The following ZSWIM6 variants were observed in gnomAD, a reference collection of about 807,000 sequenced individuals.
The protein encoded by ZSWIM6 is zinc finger SWIM domain-containing protein 6.
A neutral mutation model predicts 113.2 loss-of-function variants in ZSWIM6; 9 were observed. The ratio of observed to expected loss-of-function variants is 0.08; its 90% CI spans 0.05 to 0.14. ZSWIM6 has a LOEUF of 0.14. Among genes scored for constraint, ZSWIM6 ranks in the 10% least tolerant of loss-of-function variants. The pLI is 1.00. For synonymous variants in ZSWIM6, 611 were observed against 606.5 expected, an observed-to-expected ratio of 1.01 and a Z score of -0.11; for missense variants, 1,162 against 1,552.2, an observed-to-expected ratio of 0.75 and a Z score of 4.22.
intron 9 of ZSWIM6, among the ~76,000 whole-genome samples, chr5:61,532,095 A>C (rs1311623737): frequency 6.6e-6 from 1 of 152,204 alleles, no homozygotes; most frequent in Non-Finnish European, 1.5e-5. Context: ...TTGATCAATT[A>C]AATAATAAAA....
At chr5:61,365,487 T>C (rs1270925491) in intron 1 of ZSWIM6, among the ~76,000 whole-genome samples, 2 of 152,206 alleles carry the variant, frequency 1.3e-5, no homozygotes, top group African/African-American at 2.4e-5. Flanking sequence ...GTCCTTGATA[T>C]AGTTGCTGTA....
At chr5:61,408,240 G>A (rs1746080586) in intron 1 of ZSWIM6, among the ~76,000 whole-genome samples, 1 of 152,218 alleles carries the variant, frequency 6.6e-6, no homozygotes, top group Non-Finnish European at 1.5e-5. Flanking sequence ...AAATACTTCT[G>A]GGTGAATACA....
chr5:61,486,875 T>C (rs1748034097), intron 2 of ZSWIM6, among the ~76,000 whole-genome samples: 1 of 152,144 alleles, frequency 6.6e-6, no homozygotes, highest in African/African-American at 2.4e-5. Context: ...TTTTCTTCCA[T>C]TCTGCAGGTT....
At chr5:61,364,448 AAATC>A (rs1357259226) in intron 1 of ZSWIM6, among the ~76,000 whole-genome samples, 1 of 152,226 alleles carries the variant, frequency 6.6e-6, no homozygotes, top group Non-Finnish European at 1.5e-5. Flanking sequence ...TTGGAAAAAA[AAATC>A]AAAAGAATAA....
At chr5:61,382,793 A>G (rs1023908111) in intron 1 of ZSWIM6, among the ~76,000 whole-genome samples, 1 of 151,408 alleles carries the variant, frequency 6.6e-6, no homozygotes, top group African/African-American at 2.4e-5. Context: ...TAACAGAGCA[A>G]GACTCTGTCT....
chr5:61,479,579 C>T (rs1465283592), intron 2 of ZSWIM6, among the ~76,000 whole-genome samples: 3 of 152,150 alleles, frequency 2.0e-5, no homozygotes, highest in Non-Finnish European at 4.4e-5. Context: ...ACTAGAAGAG[C>T]TTATTATTCC....
intron 1 of ZSWIM6, among the ~76,000 whole-genome samples, chr5:61,407,009 G>A (rs1233421895): frequency 3.3e-5 from 5 of 152,114 alleles, no homozygotes; most frequent in Admixed American, 1.3e-4. Context: ...CATTGCACCC[G>A]GCCTCTCAGA....
intron 1 of ZSWIM6, among the ~76,000 whole-genome samples, chr5:61,371,800 G>C (rs1018510966): frequency 2.6e-5 from 4 of 152,042 alleles, no homozygotes; most frequent in Admixed American, 6.5e-5. Flanking sequence ...CAAGGCATCT[G>C]TGAAACCTTT....
intron 1 of ZSWIM6, among the ~76,000 whole-genome samples, chr5:61,425,886 G>A (rs958299389): frequency 1.3e-5 from 2 of 152,204 alleles, no homozygotes; most frequent in Non-Finnish European, 2.9e-5. Flanking sequence ...AGGGTCTTAT[G>A]TGCTCAGCTA....
chr5:61,335,191 C>T (rs192275613), intron 1 of ZSWIM6, among the ~76,000 whole-genome samples: 58 of 152,354 alleles, frequency 3.8e-4, no homozygotes, highest in Admixed American at 1.4e-3. Context: ...ATGGAATTGG[C>T]AGTGGTTGAC....
chr5:61,466,154 G>C (rs909519077), intron 1 of ZSWIM6, among the ~76,000 whole-genome samples: 4 of 152,130 alleles, frequency 2.6e-5, no homozygotes, highest in African/African-American at 9.7e-5. Flanking sequence ...GATTATTGTA[G>C]TGTGGGGTGT....
intron 1 of ZSWIM6, among the ~76,000 whole-genome samples, chr5:61,365,979 C>T (rs1216839792): frequency 1.3e-5 from 2 of 152,018 alleles, no homozygotes; most frequent in African/African-American, 2.4e-5. Context: ...GATTTTGGCT[C>T]ACTGCAACCT....
chr5:61,351,292 A>G lies in ZSWIM6; in HGVS notation c.676+18344A>G, dbSNP rs1018370344. 1.1e-4 allele frequency among the ~76,000 whole-genome samples: 16 copies of G among 152,326 alleles called. No individual in the cohort carries two copies. The East Asian group carries it at 2.1e-3, about 20-fold the overall frequency. On this transcript the variant is annotated intron_variant, in intron 1 of 13. Transcript: ENST00000252744. The stretch of plus-strand genomic sequence containing the variant: ...AAAAGGGACAGCTAAAATCAATTCT[A>G]TGTTATTCATGTGTAGAATGGACAG...
chr5:61,391,135 C>T (rs1561219319), intron 1 of ZSWIM6: 10 of 771,296 alleles, frequency 1.3e-5, no homozygotes, highest in East Asian at 1.2e-4. Context: ...GCACAGGCCT[C>T]GATGGGTCTT....
chr5:61,541,022 C>T (rs1236388439), intron 12 of ZSWIM6, among the ~76,000 whole-genome samples: 2 of 149,856 alleles, frequency 1.3e-5, no homozygotes, highest in Non-Finnish European at 2.9e-5. Flanking sequence ...CAGCTCACTG[C>T]AACCTCTGCC....
At chr5:61,542,065 T>G in intron 13 of ZSWIM6, 100 bp downstream of exon 13, 1 of 1,096,940 alleles carries the variant, frequency 9.1e-7, no homozygotes, top group East Asian at 2.6e-5. Context: ...TTATGTTGAC[T>G]TCTCCAAGGC....
chr5:61,481,924 T>C (rs1176080670), intron 2 of ZSWIM6, among the ~76,000 whole-genome samples: 1 of 152,210 alleles, frequency 6.6e-6, no homozygotes, highest in Non-Finnish European at 1.5e-5. Flanking sequence ...GTTGTAAATA[T>C]TATAGCATTT....
intron 1 of ZSWIM6, among the ~76,000 whole-genome samples, chr5:61,436,977 G>A (rs1322701377): frequency 6.6e-6 from 1 of 152,170 alleles, no homozygotes; most frequent in African/African-American, 2.4e-5. Context: ...GCCACTTAGA[G>A]CCATTCTTCG....
At chr5:61,429,203 A>G (rs913163940) in intron 1 of ZSWIM6, among the ~76,000 whole-genome samples, 5 of 152,208 alleles carry the variant, frequency 3.3e-5, no homozygotes, top group African/African-American at 1.2e-4. Context: ...GCTCTCCCCT[A>G]CAGGGGGTAG....
Sources: gnomAD v4.1 joint callset for allele counts (sites outside exome capture counted in the v4.1 genomes callset) on GRCh38, gnomAD v4.1.1 for gene constraint, MANE v1.5 for transcripts, NCBI Gene and HGNC (gene_info 2026-07-23, HGNC 2026-07-21) for gene names.